The following ESCO1 variants were observed in gnomAD, a reference collection of about 807,000 sequenced individuals.
ESCO1 encodes establishment of sister chromatid cohesion N-acetyltransferase 1, also known as N-acetyltransferase ESCO1.
Under a neutral mutation model 83.5 loss-of-function variants are expected in ESCO1, and 33 were observed. The ratio of observed to expected loss-of-function variants is 0.40; its 90% CI spans 0.30 to 0.53. The LOEUF (loss-of-function observed/expected upper bound fraction) is 0.53, where lower values mean the gene tolerates loss of function less well. Among genes scored for constraint, ESCO1 ranks in the 20% least tolerant of loss-of-function variants. The pLI is 0.63. For missense variants in ESCO1, 855 were observed against 968.0 expected (o/e 0.88, Z 1.55); for synonymous variants, 332 against 324.3 (o/e 1.02, Z -0.25).
At chr18:21,545,572 CAAA>C (rs766178068) in intron 8 of ESCO1, among the ~76,000 whole-genome samples, 1 of 93,428 alleles carries the variant, frequency 1.1e-5, no homozygotes, top group Admixed American at 1.1e-4. Flanking sequence ...GACACCGTCT[CAAA>C]AAAAAAAAAA....
intron 1 of ESCO1, among the ~76,000 whole-genome samples, chr18:21,589,921 G>A (rs1053330564): frequency 1.3e-5 from 2 of 148,200 alleles, no homozygotes; most frequent in African/African-American, 2.5e-5. Flanking sequence ...TCCGCCTCCC[G>A]GGTTCATGCC....
chr18:21,571,029 T>C (rs2038333821), intron 4 of ESCO1, among the ~76,000 whole-genome samples: 1 of 152,160 alleles, frequency 6.6e-6, no homozygotes, highest in African/African-American at 2.4e-5. Context: ...GTACCTTTTG[T>C]AACTTTAAAG....
At chr18:21,535,980 T>C in intron 10 of ESCO1, 62 bp downstream of exon 10, 1 of 1,553,732 alleles carries the variant, frequency 6.4e-7, no homozygotes, top group African/African-American at 1.4e-5. Flanking sequence ...TTATGTTATT[T>C]GGGATTACGT....
At position 21,574,736 on chromosome 18, in the gene ESCO1, T is replaced by A. The variant is rs770791445; in HGVS notation, c.108A>T (p.Ala36=). Reference sequence around the variant, plus strand: ...TAGTCTCCTTTGGACCTGATTTTTTTGCTAGATTCTTTTGAGAATCCTGAA... The same window carrying A: ...TAGTCTCCTTTGGACCTGATTTTTTAGCTAGATTCTTTTGAGAATCCTGAA... ...TEIQDSQKNL[A]KKSGPKETIK... Residue 36 remains alanine, a synonymous_variant, in exon 4 of 12, where the codon GCA becomes GCT. Coordinates refer to ENST00000269214, the MANE Select transcript of ESCO1 (RefSeq NM_052911.3). 1 of 1,610,976 alleles carries A rather than the reference T, an allele frequency of 6.2e-7. No individual in the cohort carries two copies. Among genetic ancestry groups the A allele is most frequent in the East Asian group, 2.2e-5 (1 of 44,866 alleles).
intron 8 of ESCO1, among the ~76,000 whole-genome samples, chr18:21,541,013 C>T (rs555995313): frequency 7.8e-4 from 119 of 151,786 alleles, no homozygotes; most frequent in African/African-American, 2.8e-3. Context: ...AAAGCAGATT[C>T]GTTTTCTTAA....
At chr18:21,533,750 A>G (rs776097198) in intron 10 of ESCO1, among the ~76,000 whole-genome samples, 69 of 152,188 alleles carry the variant, frequency 4.5e-4, no homozygotes, top group South Asian at 8.3e-4. Context: ...AATTAATTCA[A>G]TTTCAGTATG....
rs755415395 is a variant in ESCO1 at position 21,574,442 on chromosome 18, C to A, written c.402G>T (p.Arg134Ser). Residue 134 changes from arginine (R) to serine (S), a missense_variant, in exon 4 of 12, where the codon AGG becomes AGT. By Grantham distance (110) the Arg-to-Ser change is moderately radical. Transcript: ENST00000269214. ...CCTGAATTTCTCTACTGCGTAACGACCTTCTTGAAACCTCTGTTAATTGTT... is the reference window on the plus strand; with the variant it reads ...CCTGAATTTCTCTACTGCGTAACGAACTTCTTGAAACCTCTGTTAATTGTT... Reference protein sequence around the residue: ...RLQQLTEVSRRSLRSREIQGQ... With the variant: ...RLQQLTEVSRSSLRSREIQGQ... 6 of 1,613,978 alleles carry A rather than the reference C, an allele frequency of 3.7e-6. No individual in the cohort carries two copies. In the Admixed American group the frequency reaches 8.3e-5, roughly 22 times the overall value.
intron 6 of ESCO1, 81 bp from the exon 7 acceptor site, chr18:21,564,398 T>C (rs1028236281): frequency 1.7e-5 from 9 of 522,624 alleles, no homozygotes; most frequent in Non-Finnish European, 2.6e-5. Flanking sequence ...ACTTATTTTC[T>C]TTTTTTTTTT....
rs1345063345 is a variant in ESCO1, at chr18:21,579,785, C to T, written c.-693-4008G>A. On this transcript the variant is annotated intron_variant, in intron 2 of 11. Transcript: ENST00000269214. ...AGCGAGATTCTGACACACACACACA[C>T]GCGCGCGCGCACACACACACACACA... 4.0e-4 allele frequency among the ~76,000 whole-genome samples: 9 copies of T among 22,564 alleles called. No individual in the cohort carries two copies. In the East Asian group the frequency reaches 6.9e-3, roughly 17 times the overall value. 14.8% of individuals were successfully genotyped at this position (22,564 alleles called of 152,430 possible). A position where few individuals can be genotyped will look rare whatever the true frequency, so the allele number is the denominator to read the frequency against.
chr18:21,577,017 A>C (rs1483978825), intron 2 of ESCO1, among the ~76,000 whole-genome samples: 1 of 149,262 alleles, frequency 6.7e-6, no homozygotes, highest in Non-Finnish European at 1.5e-5. Flanking sequence ...TAGGCGACAG[A>C]GCGAGACTCT....
At chr18:21,555,346 T>C (rs1024796540) in intron 8 of ESCO1, among the ~76,000 whole-genome samples, 1 of 152,196 alleles carries the variant, frequency 6.6e-6, no homozygotes, top group African/African-American at 2.4e-5. Context: ...ATACATGTCA[T>C]TATACATTTC....
intron 4 of ESCO1, 47 bp downstream of exon 4, chr18:21,573,267 C>T: frequency 6.8e-7 from 1 of 1,460,810 alleles, no homozygotes; most frequent in Non-Finnish European, 9.2e-7. Context: ...ACATTTCTTA[C>T]AGAAAATATT....
At chr18:21,548,083 C>G (rs1220631675) in intron 8 of ESCO1, among the ~76,000 whole-genome samples, 1 of 151,912 alleles carries the variant, frequency 6.6e-6, no homozygotes, top group Non-Finnish European at 1.5e-5. Flanking sequence ...GCCAGGCCAA[C>G]AGAGCAAGAC....
At chr18:21,533,644 T>C (rs1267115610) in intron 10 of ESCO1, among the ~76,000 whole-genome samples, 1 of 152,096 alleles carries the variant, frequency 6.6e-6, no homozygotes, top group Non-Finnish European at 1.5e-5. Context: ...CTAACAAACA[T>C]TACATAGTTA....
rs754622163 is a variant in ESCO1, at chr18:21,574,532, C to A, written c.312G>T (p.Gln104His). Residue 104 changes from glutamine to histidine, a missense_variant, in exon 4 of 12, where the codon CAG becomes CAT. Gln to His is a conservative substitution (Grantham distance 24). Transcript: ENST00000269214. ...SQESTKKKLS[Q>H]KKLVHENPKA... is the part of the protein sequence containing the mutation. ...TAGGGTTTTCATGTACTAATTTTTT[C>A]TGAGATAATTTCTTTTTTGTAGATT... 1.9e-5 allele frequency: 31 copies of A among 1,613,682 alleles called. No homozygotes were observed. In the South Asian group the frequency reaches 3.4e-4, roughly 18 times the overall value.
chr18:21,551,362 C>T lies in ESCO1; in HGVS notation c.1953+9497G>A, dbSNP rs983475293. ...GCGGCACCTGTAGGAACCTGGGAGG[C>T]GGAGCTTGTAGTGAGCCGAGATTGT... is the stretch of plus-strand genomic sequence containing the variant. On this transcript the variant is annotated intron_variant, in intron 8 of 11. Transcript: ENST00000269214. Among the ~76,000 whole-genome samples, 6 of 149,882 alleles carry T rather than the reference C, an allele frequency of 4.0e-5. No individual in the cohort carries two copies. In the South Asian group the frequency reaches 6.4e-4, roughly 16 times the overall value.
chr18:21,568,552 C>T (rs1222016328), intron 4 of ESCO1, among the ~76,000 whole-genome samples: 1 of 152,190 alleles, frequency 6.6e-6, no homozygotes, highest in Non-Finnish European at 1.5e-5. Flanking sequence ...AGTGAGTGCA[C>T]TTAAAATGTG....
intron 10 of ESCO1, among the ~76,000 whole-genome samples, chr18:21,533,382 G>A (rs1483609576): frequency 6.6e-6 from 1 of 151,892 alleles, no homozygotes; most frequent in Non-Finnish European, 1.5e-5. Flanking sequence ...TGCAACCTCT[G>A]CCTCCTGGGT....
At chr18:21,546,870 T>G (rs145872355) in intron 8 of ESCO1, among the ~76,000 whole-genome samples, 1 of 152,202 alleles carries the variant, frequency 6.6e-6, no homozygotes, top group African/African-American at 2.4e-5. Flanking sequence ...AAACCTTCAA[T>G]GCCTTCCTGC....
Sources: gnomAD v4.1 joint callset for allele counts (sites outside exome capture counted in the v4.1 genomes callset) on GRCh38, gnomAD v4.1.1 for gene constraint, MANE v1.5 for transcripts, NCBI Gene and HGNC (gene_info 2026-07-23, HGNC 2026-07-21) for gene names.